Variants in C12orf54 observed in about 807,000 individuals in gnomAD.
C12orf54 encodes uncharacterized protein C12orf54.
Under a neutral mutation model 26.4 loss-of-function variants are expected in C12orf54, and 24 were observed. That is an observed-to-expected ratio of 0.91 (90% CI 0.66 to 1.28). C12orf54 has a LOEUF of 1.28. Among genes scored for constraint, C12orf54 ranks in the 50% most tolerant of loss-of-function variants. The pLI is 0.00. For synonymous variants in C12orf54, 54 were observed against 47.0 expected, an observed-to-expected ratio of 1.15 and a Z score of -0.61; for missense variants, 154 against 150.9, an observed-to-expected ratio of 1.02 and a Z score of -0.11.
chr12:48,425,634 T>C, the C12orf54 span, among the ~76,000 whole-genome samples: 8 of 152,156 alleles, frequency 5.3e-5, no homozygotes, highest in Non-Finnish European at 1.2e-4. Flanking sequence ...TGTTTTTAGC[T>C]ATTTGAGGAA....
At chr12:48,456,383 G>T in the C12orf54 span, among the ~76,000 whole-genome samples, 1 of 152,196 alleles carries the variant, frequency 6.6e-6, no homozygotes, top group African/African-American at 2.4e-5. Context: ...CAGGGAAATA[G>T]TTACAGGAAA....
chr12:48,438,423 C>CA, the C12orf54 span, among the ~76,000 whole-genome samples: 1 of 151,842 alleles, frequency 6.6e-6, no homozygotes, highest in Non-Finnish European at 1.5e-5. Context: ...CATATGGAAC[C>CA]AAAAAAAGAG....
rs1937875607 is a variant in C12orf54, at chr12:48,494,852, C to T, written c.297C>T (p.Phe99=). The part of the protein sequence containing the change: ...LMTPKLRRLQ[F]SSGEQPSGGR... ...CCCCAAAGTTGAGAAGATTGCAGTT[C>T]AGCTCTGGAGAGCAGCCATCAGGAG... The change falls in exon 8 of 9, where the codon TTC becomes TTT. Residue 99 remains phenylalanine, a synonymous_variant. Coordinates refer to ENST00000548364, the MANE Select transcript of C12orf54 (RefSeq NM_152319.4). The T allele has an allele frequency of 6.2e-7, 1 of 1,613,582 alleles. No homozygotes were observed. The highest frequency in any genetic ancestry group is 8.5e-7 in the Non-Finnish European group (1 of 1,179,588).
the C12orf54 span, among the ~76,000 whole-genome samples, chr12:48,429,226 A>G: frequency 9.7e-4 from 148 of 152,264 alleles, no homozygotes; most frequent in African/African-American, 3.5e-3. Flanking sequence ...GAATGGGGAA[A>G]AGTTGAAAGC....
the C12orf54 span, among the ~76,000 whole-genome samples, chr12:48,463,668 C>T: frequency 6.6e-6 from 1 of 151,472 alleles, no homozygotes; most frequent in Non-Finnish European, 1.5e-5. Context: ...AACATCAGTG[C>T]AAAAACTCTC....
upstream of C12orf54, among the ~76,000 whole-genome samples, chr12:48,481,214 A>ATTT (rs775584157): frequency 9.9e-5 from 15 of 151,378 alleles, no homozygotes; most frequent in East Asian, 2.0e-3. Context: ...TTTTTTTAAA[A>ATTT]AAAATGACTT....
chr12:48,423,175 A>C, the C12orf54 span, among the ~76,000 whole-genome samples: 3 of 152,288 alleles, frequency 2.0e-5, no homozygotes, highest in South Asian at 6.2e-4. Context: ...AGAAGAGAAC[A>C]TGTAGACAAC....
the C12orf54 span, among the ~76,000 whole-genome samples, chr12:48,431,074 A>G: frequency 6.6e-6 from 1 of 152,162 alleles, no homozygotes; most frequent in East Asian, 1.9e-4. Flanking sequence ...GTATGTTCTC[A>G]CCCATATGTG....
At chr12:48,485,827 G>A (rs1364743596) in intron 2 of C12orf54, among the ~76,000 whole-genome samples, 1 of 152,218 alleles carries the variant, frequency 6.6e-6, no homozygotes, top group Non-Finnish European at 1.5e-5. Flanking sequence ...AAGAGGACCT[G>A]GGAAGTTTGA....
At chr12:48,438,652 G>A in the C12orf54 span, among the ~76,000 whole-genome samples, 6 of 152,096 alleles carry the variant, frequency 3.9e-5, no homozygotes, top group East Asian at 9.6e-4. Context: ...CAAGCAATGG[G>A]GAAAGGATTC....
the C12orf54 span, among the ~76,000 whole-genome samples, chr12:48,455,206 T>C: frequency 6.6e-6 from 1 of 152,212 alleles, no homozygotes; most frequent in Non-Finnish European, 1.5e-5. Flanking sequence ...GATTTGGTTT[T>C]CTGTTCCTGT....
chr12:48,418,925 G>GA, the C12orf54 span, among the ~76,000 whole-genome samples: 6,816 of 134,366 alleles, frequency 0.051, 214 homozygotes, highest in African/African-American at 0.11. Context: ...ATTTTCTCCA[G>GA]AAAAAAAAAA....
chr12:48,437,555 G>C, the C12orf54 span, among the ~76,000 whole-genome samples: 2 of 152,218 alleles, frequency 1.3e-5, no homozygotes, highest in African/African-American at 4.8e-5. Flanking sequence ...TATCCACCAT[G>C]ATCAAGTGGG....
chr12:48,421,219 C>A, the C12orf54 span, among the ~76,000 whole-genome samples: 1 of 152,296 alleles, frequency 6.6e-6, no homozygotes, highest in South Asian at 2.1e-4. Flanking sequence ...GGTTGCCCAT[C>A]TATTTGGCTT....
the C12orf54 span, among the ~76,000 whole-genome samples, chr12:48,425,932 C>CTTTTTT: frequency 7.4e-6 from 1 of 134,764 alleles, no homozygotes; most frequent in Non-Finnish European, 1.6e-5. Context: ...GGTTGTTTGG[C>CTTTTTT]TTTTTTTTTT....
At chr12:48,428,319 C>G in the C12orf54 span, among the ~76,000 whole-genome samples, 1 of 149,780 alleles carries the variant, frequency 6.7e-6, no homozygotes, top group African/African-American at 2.5e-5. Flanking sequence ...TAACCAAGAT[C>G]AGAGAAGAAC....
the C12orf54 span, among the ~76,000 whole-genome samples, chr12:48,417,795 C>T: frequency 6.6e-6 from 1 of 152,050 alleles, no homozygotes; most frequent in Non-Finnish European, 1.5e-5. Context: ...CCATGAGTAC[C>T]CAGTGTTTAG....
the C12orf54 span, among the ~76,000 whole-genome samples, chr12:48,468,857 A>G: frequency 2.6e-5 from 4 of 152,184 alleles, no homozygotes; most frequent in East Asian, 7.7e-4. Context: ...AAAGAGAAAG[A>G]GTACAAAAGA....
the C12orf54 span, among the ~76,000 whole-genome samples, chr12:48,469,222 G>T: frequency 8.5e-5 from 13 of 152,196 alleles, no homozygotes; most frequent in Admixed American, 8.5e-4. Context: ...TAGCAAGCCT[G>T]GGGGCGCTGC....
Sources: allele counts gnomAD v4.1 joint callset (sites outside exome capture counted in the v4.1 genomes callset), GRCh38; gene constraint gnomAD v4.1.1; transcripts MANE v1.5; gene names NCBI Gene and HGNC (gene_info 2026-07-23, HGNC 2026-07-21).